The following OR3A2 variants were observed in gnomAD, a reference collection of about 807,000 sequenced individuals.
OR3A2 encodes the protein olfactory receptor family 3 subfamily A member 2.
For missense variants in OR3A2, 318 were observed against 392.8 expected (o/e 0.81, Z 1.61); for synonymous variants, 126 against 159.3 (o/e 0.79, Z 1.57).
chr17:3,382,111 T>C (rs894872828), intron 2 of OR3A2, among the ~76,000 whole-genome samples: 1 of 150,892 alleles, frequency 6.6e-6, no homozygotes, highest in African/African-American at 2.4e-5. Flanking sequence ...CTGGGCGGGG[T>C]ACTGGGATAG....
intron 2 of OR3A2, among the ~76,000 whole-genome samples, chr17:3,378,331 T>C (rs1213098800): frequency 1.3e-5 from 2 of 152,206 alleles, no homozygotes; most frequent in Non-Finnish European, 2.9e-5. Flanking sequence ...GTCAGCCCCC[T>C]GAGTGTGTGC....
upstream of OR3A2, among the ~76,000 whole-genome samples, chr17:3,286,235 G>C (rs1445653915): frequency 6.6e-6 from 1 of 152,298 alleles, no homozygotes; most frequent in South Asian, 2.1e-4. Context: ...TCCCTGCAAA[G>C]GTCATGAACT....
intron 3 of OR3A2, among the ~76,000 whole-genome samples, chr17:3,316,095 C>T (rs539585004): frequency 1.3e-5 from 2 of 152,180 alleles, no homozygotes; most frequent in Admixed American, 6.6e-5. Flanking sequence ...ACCTGTCCCC[C>T]CAGCACCCAC....
chr17:3,302,063 A>G (rs1234582310), intron 3 of OR3A2, among the ~76,000 whole-genome samples: 2 of 152,274 alleles, frequency 1.3e-5, no homozygotes, highest in African/African-American at 4.8e-5. Flanking sequence ...TTCAAGAAGA[A>G]CTACAAACCA....
chr17:3,304,410 G>C (rs2048986995), intron 3 of OR3A2, among the ~76,000 whole-genome samples: 1 of 152,252 alleles, frequency 6.6e-6, no homozygotes, highest in East Asian at 1.9e-4. Context: ...AGACCACTGG[G>C]CTCTGTTTGG....
At chr17:3,310,424 C>T (rs765567710) in intron 3 of OR3A2, 18 of 535,542 alleles carry the variant, frequency 3.4e-5, no homozygotes, top group African/African-American at 2.5e-4. Context: ...TTCTTGCTTA[C>T]GTCACTACCA....
rs183349140 is a variant in OR3A2, at chr17:3,294,740, A to G, written c.-84-15587T>C. Among the ~76,000 whole-genome samples, 146 of 152,330 alleles carry G rather than the reference A, an allele frequency of 9.6e-4. 1 individual carries two copies. The Middle Eastern group carries it at 0.024, about 25-fold the overall frequency. On this transcript the variant is annotated intron_variant, in intron 3 of 4. Transcript: ENST00000573491. ...TAAAGGAAAGAAATTAAGGTAGCAT[A>G]TCATTTCTCCAAAGTAACAGTCAAA...
At position 3,361,875 on chromosome 17, in the gene OR3A2, CTCTT is replaced by C. The variant is rs934823590; in HGVS notation, c.-179+21925_-179+21928del. Among the ~76,000 whole-genome samples, 36 of 151,592 alleles carry C rather than the reference CTCTT, an allele frequency of 2.4e-4. 1 individual carries two copies. Among genetic ancestry groups the C allele is most frequent in the African/African-American group, 8.5e-4 (35 of 40,958 alleles). ...TCATCAGGGATATTGGTCTAAAATT[CTCTT>C]TTTTTGTTGTGTCTCTGCCCGGCTT... On this transcript the variant is annotated intron_variant, in intron 2 of 4. Transcript: ENST00000573491.
intron 3 of OR3A2, among the ~76,000 whole-genome samples, chr17:3,325,185 T>C (rs2049160831): frequency 6.6e-6 from 1 of 151,572 alleles, no homozygotes; most frequent in East Asian, 1.9e-4. Context: ...CTACAGCTTG[T>C]GTTCAAAGAT....
At chr17:3,365,812 A>C (rs1432879627) in intron 2 of OR3A2, among the ~76,000 whole-genome samples, 2 of 152,234 alleles carry the variant, frequency 1.3e-5, no homozygotes, top group East Asian at 1.9e-4. Flanking sequence ...TCATTTCTTT[A>C]ATTGCATGCA....
intron 2 of OR3A2, among the ~76,000 whole-genome samples, chr17:3,352,025 A>C (rs1022659197): frequency 1.3e-5 from 2 of 152,148 alleles, no homozygotes; most frequent in African/African-American, 4.8e-5. Context: ...CTTATACAAA[A>C]ATCAATTCAA....
chr17:3,337,504 T>C (rs2049282398), intron 2 of OR3A2, among the ~76,000 whole-genome samples: 1 of 151,570 alleles, frequency 6.6e-6, no homozygotes, highest in African/African-American at 2.4e-5. Flanking sequence ...ATTTCTCACA[T>C]ATGAGTGAGA....
At chr17:3,300,692 C>CT (rs35955034) in intron 3 of OR3A2, among the ~76,000 whole-genome samples, 4 of 150,340 alleles carry the variant, frequency 2.7e-5, no homozygotes, top group African/African-American at 4.9e-5. Flanking sequence ...AAATTTTTTT[C>CT]TTTTTTTTTT....
At position 3,325,221 on chromosome 17, in the gene OR3A2, T is replaced by C. The variant is rs997332950; in HGVS notation, c.-85+10812A>G. On this transcript the variant is annotated intron_variant, in intron 3 of 4. Transcript: ENST00000573491. Reference sequence around the variant, plus strand: ...CCTTCCAATTTTTTTTTTTTTTTTTTTTTTTGAGACAGGGTCTCGCTCTGT... The same window carrying C: ...CCTTCCAATTTTTTTTTTTTTTTTTCTTTTTGAGACAGGGTCTCGCTCTGT... Among the ~76,000 whole-genome samples the C allele has an allele frequency of 3.4e-5, 5 of 149,144 alleles. No individual in the cohort carries two copies. The East Asian group carries it at 5.9e-4, about 18-fold the overall frequency.
At chr17:3,360,192 T>C (rs539162348) in intron 2 of OR3A2, among the ~76,000 whole-genome samples, 1 of 151,998 alleles carries the variant, frequency 6.6e-6, no homozygotes, top group Admixed American at 6.5e-5. Flanking sequence ...CATTTTTTCA[T>C]GTGTCTGTTG....
chr17:3,376,576 A>T (rs2049686732), intron 2 of OR3A2, among the ~76,000 whole-genome samples: 1 of 152,170 alleles, frequency 6.6e-6, no homozygotes, highest in South Asian at 2.1e-4. Flanking sequence ...GGGGAAAACC[A>T]GCAGTGACAG....
At chr17:3,296,951 A>C (rs1289182526) in intron 3 of OR3A2, among the ~76,000 whole-genome samples, 1 of 152,210 alleles carries the variant, frequency 6.6e-6, no homozygotes, top group African/African-American at 2.4e-5. Flanking sequence ...CGTTTATGGA[A>C]GGGGCATAAC....
At chr17:3,360,818 T>A (rs923881756) in intron 2 of OR3A2, among the ~76,000 whole-genome samples, 1 of 151,734 alleles carries the variant, frequency 6.6e-6, no homozygotes, top group African/African-American at 2.4e-5. Context: ...TTGGTTACTG[T>A]AACCTTGTAG....
intron 2 of OR3A2, among the ~76,000 whole-genome samples, chr17:3,373,580 A>G (rs2049652805): frequency 6.6e-6 from 1 of 152,100 alleles, no homozygotes; most frequent in Admixed American, 6.5e-5. Flanking sequence ...CTGTTGCTTT[A>G]AAGTCTGTTC....
Sources: gnomAD v4.1 joint callset for allele counts (sites outside exome capture counted in the v4.1 genomes callset) on GRCh38, gnomAD v4.1.1 for gene constraint, MANE v1.5 for transcripts, NCBI Gene and HGNC (gene_info 2026-07-23, HGNC 2026-07-21) for gene names.